Variants in MAP3K15 observed in about 807,000 individuals in gnomAD.
MAP3K15 encodes the protein mitogen-activated protein kinase kinase kinase 15, also known as MAPK/ERK kinase kinase 15.
Under a neutral mutation model 99.5 loss-of-function variants are expected in MAP3K15, and 124 were observed. That is an observed-to-expected ratio of 1.25 (90% CI 1.08 to 1.45). The LOEUF is 1.45. MAP3K15 is among the 40% of genes most tolerant of loss of function. MAP3K15 has a pLI of 0.00. For missense variants in MAP3K15, 1,242 were observed against 1,079.7 expected, an observed-to-expected ratio of 1.15 and a Z score of -2.11; for synonymous variants, 494 against 439.6, an observed-to-expected ratio of 1.12 and a Z score of -1.55.
intron 26 of MAP3K15, among the ~76,000 whole-genome samples, chrX:19,362,363 C>T (rs1430582390): frequency 1.9e-5 from 2 of 108,099 alleles, no homozygotes; most frequent in African/African-American, 6.8e-5. Context: ...TCCTAAGTAG[C>T]TAGGACTACA....
chrX:19,485,959 A>G (rs755175950), intron 3 of MAP3K15, among the ~76,000 whole-genome samples: 1 of 111,877 alleles, frequency 8.9e-6, no homozygotes, highest in African/African-American at 3.2e-5. Context: ...AAAACTATGT[A>G]ATTTCAGGAA....
intron 19 of MAP3K15, among the ~76,000 whole-genome samples, chrX:19,377,943 T>C (rs956613551): frequency 1.8e-5 from 2 of 112,033 alleles, no homozygotes; most frequent in African/African-American, 6.5e-5. Context: ...AAGCAGCTGA[T>C]AGGAGGTGAG....
rs145004525 is a variant in MAP3K15 at position 19,380,160 on chromosome X, G to C, written c.2549C>G (p.Pro850Arg). 1 of 1,199,811 alleles carries C rather than the reference G, an allele frequency of 8.3e-7. No individual in the cohort carries two copies. The highest frequency in any genetic ancestry group is 1.8e-5 in the African/African-American group (1 of 56,863). ...TIIEMATSKP[P>R]FHELGEPQAA... is the part of the protein sequence containing the mutation. ...CTGCGGCTCACCAAGCTCATGGAAC[G>C]GAGGCTTGCTGGTGGCCATCTCAAT... The change falls in exon 19 of 29, where the codon CCG becomes CGG. Residue 850 changes from proline to arginine, a missense_variant. Physicochemically the swap from Pro to Arg is moderately radical, Grantham distance 103. Transcript: ENST00000338883.
intron 3 of MAP3K15, among the ~76,000 whole-genome samples, chrX:19,477,486 G>A (rs1323765111): frequency 1.9e-4 from 21 of 110,667 alleles, no homozygotes; most frequent in Non-Finnish European, 3.4e-4. Flanking sequence ...AAGGCAGGCA[G>A]ATCATCTGAG....
intron 16 of MAP3K15, 45 bp downstream of exon 16, chrX:19,395,036 G>C: frequency 1.3e-5 from 15 of 1,182,940 alleles, no homozygotes; most frequent in Non-Finnish European, 1.7e-5. Flanking sequence ...CATCCACGTC[G>C]TAGTGATTTT....
At chrX:19,466,244 T>C (rs2064168393) in intron 3 of MAP3K15, among the ~76,000 whole-genome samples, 1 of 111,989 alleles carries the variant, frequency 8.9e-6, no homozygotes, top group South Asian at 3.7e-4. Context: ...TTAAATGCCA[T>C]TTACATATTC....
intron 1 of MAP3K15, among the ~76,000 whole-genome samples, chrX:19,490,170 C>CACACAA (rs2064358525): frequency 1.2e-5 from 1 of 86,101 alleles, no homozygotes; most frequent in Admixed American, 1.2e-4. Context: ...CACACACACA[C>CACACAA]ACACACACAC....
In MAP3K15 at chrX:19,434,633, C is replaced by G. The variant is rs189951306; in HGVS notation, c.996-3025G>C. 8.1e-4 allele frequency among the ~76,000 whole-genome samples: 90 copies of G among 111,737 alleles called. 1 individual carries two copies. Among genetic ancestry groups the G allele is most frequent in the Non-Finnish European group, 1.9e-4 (10 of 53,191 alleles). ...CAAATTAGTATCTAAAATGGCCAGA[C>G]TTTCTCAACCGGGGTTCCATGACAG... On this transcript the variant is annotated intron_variant, in intron 6 of 28. Coordinates refer to ENST00000338883, the MANE Select transcript of MAP3K15 (RefSeq NM_001001671.4).
intron 9 of MAP3K15, among the ~76,000 whole-genome samples, chrX:19,422,466 A>G (rs182199471): frequency 5.1e-3 from 569 of 112,198 alleles, no homozygotes; most frequent in Non-Finnish European, 8.2e-3. Flanking sequence ...TGCAAACCAA[A>G]ACTACAATGA....
intron 6 of MAP3K15, among the ~76,000 whole-genome samples, chrX:19,441,112 TG>T (rs1602311516): frequency 8.9e-6 from 1 of 112,090 alleles, no homozygotes; most frequent in African/African-American, 3.2e-5. Flanking sequence ...GGATGAACCT[TG>T]AAGACAGTAT....
At position 19,400,554 on chromosome X, in the gene MAP3K15, T is replaced by C. The variant is rs757766327; in HGVS notation, c.1932+22A>G. On this transcript the variant is annotated intron_variant, in intron 14 of 28. Coordinates refer to ENST00000338883, the MANE Select transcript of MAP3K15 (RefSeq NM_001001671.4). Reference sequence around the variant, plus strand: ...GAACACACAATCAATGTTTTCCATATTCTAGATCGTCCATGACTCACCTCC... The same window carrying C: ...GAACACACAATCAATGTTTTCCATACTCTAGATCGTCCATGACTCACCTCC... The C allele has an allele frequency of 1.0e-4, 114 of 1,097,163 alleles. 1 individual carries two copies. In the South Asian group the frequency reaches 2.2e-3, roughly 21 times the overall value. 90.4% of individuals were successfully genotyped at this position (1,097,163 alleles called of 1,213,427 possible).
intron 4 of MAP3K15, among the ~76,000 whole-genome samples, chrX:19,462,223 C>G (rs1159946027): frequency 8.9e-6 from 1 of 112,133 alleles, no homozygotes; most frequent in Non-Finnish European, 1.9e-5. Context: ...CAGTACATAA[C>G]CTGGTCCAAT....
At chrX:19,468,203 G>T (rs1035521056) in intron 3 of MAP3K15, among the ~76,000 whole-genome samples, 1 of 112,143 alleles carries the variant, frequency 8.9e-6, no homozygotes, top group African/African-American at 3.2e-5. Context: ...TTAAGAGAAG[G>T]CTGGTAGCTC....
chrX:19,415,958 A>C (rs1273112514), intron 9 of MAP3K15, among the ~76,000 whole-genome samples: 1 of 112,077 alleles, frequency 8.9e-6, no homozygotes, highest in Non-Finnish European at 1.9e-5. Context: ...ACTGTAGTGC[A>C]TACTGCACTA....
At chrX:19,491,233 T>C (rs1374962741) in intron 1 of MAP3K15, among the ~76,000 whole-genome samples, 2 of 111,198 alleles carry the variant, frequency 1.8e-5, no homozygotes, top group African/African-American at 6.5e-5. Context: ...GTGCCAGGGA[T>C]AGAAGTGTCA....
intron 24 of MAP3K15, among the ~76,000 whole-genome samples, chrX:19,370,182 G>A (rs2063364546): frequency 9.0e-6 from 1 of 111,641 alleles, no homozygotes; most frequent in Non-Finnish European, 1.9e-5. Context: ...CACCAGAGAA[G>A]GAGAATCAAC....
intron 25 of MAP3K15, among the ~76,000 whole-genome samples, chrX:19,366,832 G>A (rs1178322326): frequency 3.6e-5 from 4 of 112,025 alleles, no homozygotes; most frequent in African/African-American, 1.3e-4. Flanking sequence ...TTCACAGACT[G>A]GCTGCTGCCT....
chrX:19,368,703 C>A (rs2063352568), intron 25 of MAP3K15, among the ~76,000 whole-genome samples: 2 of 111,351 alleles, frequency 1.8e-5, no homozygotes, highest in South Asian at 7.6e-4. Flanking sequence ...GGCTGCTGAG[C>A]CTGCGAGACC....
At chrX:19,375,534 A>G (rs1412610494) in intron 19 of MAP3K15, among the ~76,000 whole-genome samples, 2 of 112,165 alleles carry the variant, frequency 1.8e-5, no homozygotes, top group East Asian at 2.8e-4. Flanking sequence ...CCCCTCCTTC[A>G]TAACTGTTCC....
Sources: gnomAD v4.1 joint callset for allele counts (sites outside exome capture counted in the v4.1 genomes callset) on GRCh38, gnomAD v4.1.1 for gene constraint, MANE v1.5 for transcripts, NCBI Gene and HGNC (gene_info 2026-07-23, HGNC 2026-07-21) for gene names.